The following COP1 variants were observed in gnomAD, a reference collection of about 807,000 sequenced individuals.
COP1 encodes the protein COP1 E3 ubiquitin ligase, also known as E3 ubiquitin-protein ligase COP1.
COP1 carries 24 observed loss-of-function variants against 101.3 expected under a neutral mutation model. The ratio of observed to expected loss-of-function variants is 0.24; its 90% CI spans 0.17 to 0.33. The LOEUF is 0.33. Among genes scored for constraint, COP1 ranks in the 10% least tolerant of loss-of-function variants. The pLI is 1.00. For synonymous variants in COP1, 347 were observed against 341.9 expected (o/e 1.01, Z -0.17); for missense variants, 663 against 906.2 (o/e 0.73, Z 3.45).
At chr1:176,144,561 C>A (rs575396453) in intron 6 of COP1, among the ~76,000 whole-genome samples, 1 of 152,068 alleles carries the variant, frequency 6.6e-6, no homozygotes, top group Non-Finnish European at 1.5e-5. Flanking sequence ...ACCATGGAAA[C>A]GTACTAGCTG....
At chr1:176,099,061 T>A (rs1682916447) in intron 9 of COP1, among the ~76,000 whole-genome samples, 1 of 152,226 alleles carries the variant, frequency 6.6e-6, no homozygotes, top group South Asian at 2.1e-4. Flanking sequence ...GGTTGTTATG[T>A]TAAGTTATTG....
chr1:175,950,139 A>G (rs1336604925), intron 18 of COP1, among the ~76,000 whole-genome samples: 1 of 152,108 alleles, frequency 6.6e-6, no homozygotes, highest in Non-Finnish European at 1.5e-5. Flanking sequence ...TTAATATATG[A>G]TGTCATATTA....
chr1:176,010,796 C>T (rs1418409142), intron 15 of COP1, among the ~76,000 whole-genome samples: 2 of 152,068 alleles, frequency 1.3e-5, no homozygotes, highest in African/African-American at 4.8e-5. Context: ...TGTCAAATGT[C>T]GGTAACAAAA....
intron 18 of COP1, among the ~76,000 whole-genome samples, chr1:175,955,111 G>C (rs910300073): frequency 6.6e-6 from 1 of 152,022 alleles, no homozygotes; most frequent in Non-Finnish European, 1.5e-5. Flanking sequence ...GATGGGTGTG[G>C]TGGCATGCAC....
chr1:176,167,334 A>C (rs1393430179), intron 3 of COP1, among the ~76,000 whole-genome samples: 1 of 152,200 alleles, frequency 6.6e-6, no homozygotes, highest in East Asian at 1.9e-4. Flanking sequence ...CTATAGATTA[A>C]AGCATTTAAT....
chr1:176,129,215 C>T (rs1056958243), intron 8 of COP1, among the ~76,000 whole-genome samples: 6 of 151,466 alleles, frequency 4.0e-5, no homozygotes, highest in Non-Finnish European at 8.9e-5. Context: ...TAAAATGATT[C>T]CTTGTTTTTT....
At chr1:176,134,767 T>G (rs1689522569) in intron 8 of COP1, among the ~76,000 whole-genome samples, 1 of 152,072 alleles carries the variant, frequency 6.6e-6, no homozygotes, top group Non-Finnish European at 1.5e-5. Flanking sequence ...TTTAAGAAAT[T>G]CATCAAACTT....
chr1:176,137,395 G>A (rs1238387001), intron 6 of COP1, among the ~76,000 whole-genome samples: 1 of 151,962 alleles, frequency 6.6e-6, no homozygotes, highest in East Asian at 1.9e-4. Flanking sequence ...AGATTTTATT[G>A]AGAGTATTAA....
rs536896472 is a variant in COP1 at position 176,008,115 on chromosome 1, G to A, written c.1730-18636C>T. On this transcript the variant is annotated intron_variant, in intron 15 of 19. Coordinates refer to ENST00000367669, the MANE Select transcript of COP1 (RefSeq NM_022457.7). ...GGGAGTGACCCGATTTTCCAGGTGC[G>A]TCCGTCACCCCTTTCTTTGACTCGG... is the stretch of plus-strand genomic sequence containing the variant. Among the ~76,000 whole-genome samples the A allele has an allele frequency of 4.0e-3, 610 of 152,274 alleles. 1 individual carries two copies. The highest frequency in any genetic ancestry group is 0.017 in the Middle Eastern group (5 of 292).
chr1:175,951,463 A>ATATATATATATATATATATAAAT (rs1558154896), intron 18 of COP1, among the ~76,000 whole-genome samples: 2 of 39,920 alleles, frequency 5.0e-5, no homozygotes, highest in Non-Finnish European at 9.8e-5. Context: ...TATATATATA[A>ATATATATATATATATATATAAAT]AAACTTCCAT....
chr1:175,976,475 A>G (rs1486598395), intron 18 of COP1, among the ~76,000 whole-genome samples: 3 of 151,640 alleles, frequency 2.0e-5, no homozygotes, highest in Non-Finnish European at 4.4e-5. Context: ...ACGGGGTTTC[A>G]ACATGTTGGG....
chr1:176,083,096 C>T (rs1283795964), intron 10 of COP1, among the ~76,000 whole-genome samples: 1 of 151,968 alleles, frequency 6.6e-6, no homozygotes, highest in African/African-American at 2.4e-5. Flanking sequence ...GGGTTATTTG[C>T]AAAAATAAAA....
chr1:176,035,541 T>C (rs1484229172), intron 14 of COP1, among the ~76,000 whole-genome samples: 1 of 151,770 alleles, frequency 6.6e-6, no homozygotes, highest in Admixed American at 6.6e-5. Context: ...TATTATATAT[T>C]AACAAATGAT....
rs1375483135 is a variant in COP1 at position 176,183,332 on chromosome 1, G to A, written c.467+1301C>T. ...GAATATAAGGAGTATTAGAACACAA[G>A]GTATACTAAGGCTAAAATAATATGC... is the stretch of plus-strand genomic sequence containing the variant. On this transcript the variant is annotated intron_variant, in intron 2 of 19. Coordinates refer to ENST00000367669, the MANE Select transcript of COP1 (RefSeq NM_022457.7). 2.0e-5 allele frequency among the ~76,000 whole-genome samples: 3 copies of A among 151,970 alleles called. No individual in the cohort carries two copies. The East Asian group carries it at 5.8e-4, about 29-fold the overall frequency.
At chr1:176,042,106 C>T (rs191654189) in intron 14 of COP1, among the ~76,000 whole-genome samples, 114 of 150,402 alleles carry the variant, frequency 7.6e-4, no homozygotes, top group Non-Finnish European at 1.3e-3. Context: ...AGCGAGATTA[C>T]GTCTCAAAAA....
intron 2 of COP1, among the ~76,000 whole-genome samples, chr1:176,182,746 A>C (rs1475116068): frequency 6.6e-6 from 1 of 152,246 alleles, no homozygotes; most frequent in Non-Finnish European, 1.5e-5. Context: ...AAAGGCCAAG[A>C]CCATACCTGT....
At chr1:176,082,017 A>C (rs1331111818) in intron 10 of COP1, among the ~76,000 whole-genome samples, 1 of 152,192 alleles carries the variant, frequency 6.6e-6, no homozygotes, top group Non-Finnish European at 1.5e-5. Context: ...TTGGAAGATA[A>C]ATCATGTGGA....
intron 18 of COP1, among the ~76,000 whole-genome samples, chr1:175,983,202 A>T (rs1198651310): frequency 6.6e-6 from 1 of 151,988 alleles, no homozygotes; most frequent in Non-Finnish European, 1.5e-5. Context: ...AATGAAAAAG[A>T]CTCCTCTGAT....
chr1:176,136,212 G>C (rs1689763740), intron 7 of COP1, among the ~76,000 whole-genome samples: 1 of 152,014 alleles, frequency 6.6e-6, no homozygotes, highest in Non-Finnish European at 1.5e-5. Context: ...TTTAAGTTAT[G>C]ATGGCACTCC....
Sources: gnomAD v4.1 joint callset for allele counts (sites outside exome capture counted in the v4.1 genomes callset) on GRCh38, gnomAD v4.1.1 for gene constraint, MANE v1.5 for transcripts, NCBI Gene and HGNC (gene_info 2026-07-23, HGNC 2026-07-21) for gene names.